OR51B5: variants seen among roughly 807,000 people sequenced by gnomAD.
The protein encoded by OR51B5 is olfactory receptor family 51 subfamily B member 5.
For synonymous variants in OR51B5, 186 were observed against 144.8 expected (o/e 1.28, Z -2.04); for missense variants, 456 against 374.6 (o/e 1.22, Z -1.79).
chr11:5,468,257 C>T (rs973787152), intron 1 of OR51B5, among the ~76,000 whole-genome samples: 1 of 152,164 alleles, frequency 6.6e-6, no homozygotes, highest in Admixed American at 6.5e-5. Flanking sequence ...CTTGTTGGGT[C>T]TGAGAGAAGT....
At chr11:5,433,028 GA>G (rs1456310385) in intron 1 of OR51B5, among the ~76,000 whole-genome samples, 2 of 152,060 alleles carry the variant, frequency 1.3e-5, no homozygotes, top group Non-Finnish European at 2.9e-5. Context: ...TTAAAAAGCT[GA>G]AAAAGGGAGA....
At chr11:5,387,766 C>T (rs1332156390) in intron 1 of OR51B5, among the ~76,000 whole-genome samples, 1 of 152,160 alleles carries the variant, frequency 6.6e-6, no homozygotes, top group African/African-American at 2.4e-5. Flanking sequence ...CACTTGCCCT[C>T]TGATTTTGAT....
At chr11:5,429,950 T>C (rs1850511563) in intron 1 of OR51B5, among the ~76,000 whole-genome samples, 1 of 152,216 alleles carries the variant, frequency 6.6e-6, no homozygotes, top group Non-Finnish European at 1.5e-5. Context: ...TGGTCAGCTG[T>C]TCATTCTCAG....
chr11:5,383,500 A>C (rs1314613160), intron 1 of OR51B5, among the ~76,000 whole-genome samples: 1 of 152,228 alleles, frequency 6.6e-6, no homozygotes, highest in South Asian at 2.1e-4. Flanking sequence ...ACCTCTCTGG[A>C]AAACGACGGG....
At chr11:5,375,698 TC>T (rs1421871307) in intron 1 of OR51B5, among the ~76,000 whole-genome samples, 1 of 151,436 alleles carries the variant, frequency 6.6e-6, no homozygotes, top group Non-Finnish European at 1.5e-5. Flanking sequence ...CCAACAAAGA[TC>T]AAAAGAGACA....
intron 1 of OR51B5, among the ~76,000 whole-genome samples, chr11:5,394,997 A>G (rs145124916): frequency 7.2e-4 from 110 of 152,356 alleles, no homozygotes; most frequent in Middle Eastern, 3.4e-3. Context: ...GAAGCACCCA[A>G]TAAATTTTCT....
chr11:5,461,688 C>T (rs1348056764), intron 1 of OR51B5, among the ~76,000 whole-genome samples: 1 of 152,196 alleles, frequency 6.6e-6, no homozygotes, highest in Non-Finnish European at 1.5e-5. Flanking sequence ...GTTCTCCCTG[C>T]CAATTAAAAT....
Position 5,454,132 on chromosome 11 carries a change from T to C in OR51B5, n.84+51437A>G, listed in dbSNP as rs1163510308. 6.2e-7 allele frequency: 1 copy of C among 1,614,196 alleles called. No individual in the cohort carries two copies. The highest frequency in any genetic ancestry group is 1.7e-5 in the Admixed American group (1 of 60,018). On this transcript the variant is annotated intron_variant and non_coding_transcript_variant, in intron 1 of 4. Coordinates refer to the OR51B5 transcript ENST00000415970. ...TTTGGCATGGACCTGTTTTTTATCT[T>C]CCTCTCCTATGTGCTCATTCTGCGT... is the stretch of plus-strand genomic sequence containing the variant.
intron 1 of OR51B5, among the ~76,000 whole-genome samples, chr11:5,466,340 T>C (rs1413718574): frequency 5.3e-5 from 8 of 152,200 alleles, no homozygotes; most frequent in African/African-American, 1.9e-4. Context: ...ATGATAGGAA[T>C]ACTTTTTAGT....
intron 1 of OR51B5, among the ~76,000 whole-genome samples, chr11:5,464,471 A>G (rs981020950): frequency 1.4e-4 from 18 of 125,670 alleles, no homozygotes; most frequent in African/African-American, 4.2e-4. Flanking sequence ...AGAGTGTGAT[A>G]TTCCCCTTCC....
At chr11:5,343,315 C>T (rs1213637599) in exon 1 of OR51B5, 8 of 1,455,742 alleles carry the variant, frequency 5.5e-6, no homozygotes, top group African/African-American at 1.8e-5. Flanking sequence ...TCAGGGCCAG[C>T]CCCAGGTCTG....
At chr11:5,496,580 T>A (rs1029118403) in intron 1 of OR51B5, among the ~76,000 whole-genome samples, 1 of 152,182 alleles carries the variant, frequency 6.6e-6, no homozygotes, top group African/African-American at 2.4e-5. Context: ...CCAATCCCGA[T>A]AACACACTCC....
intron 1 of OR51B5, among the ~76,000 whole-genome samples, chr11:5,388,483 G>C (rs1849736512): frequency 6.7e-6 from 1 of 150,366 alleles, no homozygotes; most frequent in Non-Finnish European, 1.5e-5. Context: ...TTAAGGGAAA[G>C]CTATTTCAGG....
At chr11:5,414,003 GA>G (rs1464427329) in intron 1 of OR51B5, among the ~76,000 whole-genome samples, 1 of 148,024 alleles carries the variant, frequency 6.8e-6, no homozygotes, top group Non-Finnish European at 1.5e-5. Flanking sequence ...AAGTTGAAAT[GA>G]AGGAAAAAAT....
intron 1 of OR51B5, among the ~76,000 whole-genome samples, chr11:5,396,298 C>T (rs964771253): frequency 2.0e-5 from 3 of 152,182 alleles, no homozygotes; most frequent in African/African-American, 4.8e-5. Flanking sequence ...TTGCAGATGA[C>T]GTGATTGCAT....
Position 5,352,314 on chromosome 11 carries a change from C to G in OR51B5, n.85-5404G>C, listed in dbSNP as rs754044205. ...GGTTTGGAAAGCATGTTCCTCATGTCGTTCACATCACAATGAGCTACATCC... is the reference window on the plus strand; with the variant it reads ...GGTTTGGAAAGCATGTTCCTCATGTGGTTCACATCACAATGAGCTACATCC... On this transcript the variant is annotated intron_variant and non_coding_transcript_variant, in intron 1 of 4. Transcript: ENST00000415970. 8.7e-6 allele frequency: 14 copies of G among 1,613,914 alleles called. No individual in the cohort carries two copies. The East Asian group carries it at 1.8e-4, about 21-fold the overall frequency.
intron 1 of OR51B5, among the ~76,000 whole-genome samples, chr11:5,357,318 T>C (rs1210476351): frequency 2.0e-5 from 3 of 150,534 alleles, no homozygotes; most frequent in African/African-American, 4.9e-5. Context: ...AAGGCAGGGG[T>C]TGCAATCCTC....
chr11:5,425,639 T>C (rs1231351115), intron 1 of OR51B5, among the ~76,000 whole-genome samples: 1 of 152,238 alleles, frequency 6.6e-6, no homozygotes, highest in Non-Finnish European at 1.5e-5. Context: ...TGCAAAATTA[T>C]TGGGTACCTA....
At chr11:5,440,804 G>T in intron 1 of OR51B5, 1 of 1,613,898 alleles carries the variant, frequency 6.2e-7, no homozygotes, top group Non-Finnish European at 8.5e-7. Context: ...TGAGTGCCTT[G>T]AGCCGCTGTT....
Sources: allele counts gnomAD v4.1 joint callset (sites outside exome capture counted in the v4.1 genomes callset), GRCh38; gene constraint gnomAD v4.1.1; transcripts MANE v1.5; gene names NCBI Gene and HGNC (gene_info 2026-07-23, HGNC 2026-07-21).